The following EDN1 variants were observed in gnomAD, a reference collection of about 807,000 sequenced individuals.
The protein encoded by EDN1 is endothelin 1.
In EDN1, 11 loss-of-function variants were observed where a neutral mutation model predicts 21.7. The observed-to-expected ratio is 0.51, with a 90% CI of 0.32 to 0.84. EDN1 has a LOEUF of 0.84. EDN1 is among the 40% of genes least tolerant of loss of function. The probability of loss-of-function intolerance (pLI) is 0.03; values close to 1 mark genes in which losing one functional copy is unlikely to be tolerated. For missense variants in EDN1, 244 were observed against 262.3 expected, an observed-to-expected ratio of 0.93 and a Z score of 0.48; for synonymous variants, 85 against 90.6, an observed-to-expected ratio of 0.94 and a Z score of 0.35.
chr6:12,278,723 C>T, the EDN1 span, among the ~76,000 whole-genome samples: 74,494 of 151,816 alleles, frequency 0.49, 18,905 homozygotes, highest in East Asian at 0.66. Flanking sequence ...ATGGTGAAAC[C>T]CCGTCTGAAC....
At chr6:12,236,809 T>C in the EDN1 span, among the ~76,000 whole-genome samples, 3 of 151,900 alleles carry the variant, frequency 2.0e-5, no homozygotes, top group Non-Finnish European at 4.4e-5. Context: ...TCTTAACTTC[T>C]ATCAAGTATA....
chr6:12,288,216 G>A (rs1277773430), upstream of EDN1, among the ~76,000 whole-genome samples: 1 of 150,924 alleles, frequency 6.6e-6, no homozygotes, highest in African/African-American at 2.5e-5. Context: ...TGTTGTCAGT[G>A]TTTGGTCAAA....
At chr6:12,287,842 C>T (rs1484738974), upstream of EDN1, among the ~76,000 whole-genome samples, 1 of 152,032 alleles carries the variant, frequency 6.6e-6, no homozygotes, top group Non-Finnish European at 1.5e-5. Context: ...CGGTGGGGCC[C>T]TTCCAGGTCT....
the EDN1 span, among the ~76,000 whole-genome samples, chr6:12,232,132 TATA>T: frequency 2.8e-5 from 4 of 141,338 alleles, no homozygotes; most frequent in African/African-American, 5.0e-5. Context: ...AAAATTATAA[TATA>T]ATATAATAAA....
the EDN1 span, among the ~76,000 whole-genome samples, chr6:12,282,479 CT>C: frequency 6.6e-6 from 1 of 152,204 alleles, no homozygotes; most frequent in Non-Finnish European, 1.5e-5. Flanking sequence ...ACATTAGCAG[CT>C]TTGAGATTGT....
At chr6:12,249,381 C>CT in the EDN1 span, among the ~76,000 whole-genome samples, 3 of 151,996 alleles carry the variant, frequency 2.0e-5, no homozygotes, top group African/African-American at 7.3e-5. Context: ...TGTAAAATGA[C>CT]TTAAGCAGGA....
At chr6:12,271,995 CT>C in the EDN1 span, among the ~76,000 whole-genome samples, 2 of 151,906 alleles carry the variant, frequency 1.3e-5, no homozygotes, top group Admixed American at 6.6e-5. Flanking sequence ...AATCCAAAAA[CT>C]TTTTTTTAAG....
At chr6:12,276,087 G>A in the EDN1 span, among the ~76,000 whole-genome samples, 8 of 145,778 alleles carry the variant, frequency 5.5e-5, no homozygotes, top group East Asian at 2.1e-4. Flanking sequence ...GCGTGAGCCC[G>A]GGAGGCAGAG....
the EDN1 span, among the ~76,000 whole-genome samples, chr6:12,254,845 ATTATGC>A: frequency 6.6e-6 from 1 of 152,194 alleles, no homozygotes; most frequent in African/African-American, 2.4e-5. Context: ...GATATTACAA[ATTATGC>A]TTATGATTTA....
chr6:12,267,525 T>C, the EDN1 span, among the ~76,000 whole-genome samples: 2 of 152,204 alleles, frequency 1.3e-5, no homozygotes, highest in East Asian at 3.8e-4. Flanking sequence ...CCCTAACTAT[T>C]CGATTCTATG....
the EDN1 span, among the ~76,000 whole-genome samples, chr6:12,237,269 A>G: frequency 6.6e-6 from 1 of 152,118 alleles, no homozygotes; most frequent in South Asian, 2.1e-4. Context: ...GCTATTGTGA[A>G]TAATGTAATT....
At chr6:12,273,162 T>A in the EDN1 span, among the ~76,000 whole-genome samples, 12 of 151,992 alleles carry the variant, frequency 7.9e-5, no homozygotes, top group Admixed American at 7.9e-4. Flanking sequence ...GGAAAGGGGG[T>A]CAGAGGAGGC....
At chr6:12,261,173 A>G in the EDN1 span, among the ~76,000 whole-genome samples, 1 of 152,198 alleles carries the variant, frequency 6.6e-6, no homozygotes, top group African/African-American at 2.4e-5. Flanking sequence ...CTCTAGATTC[A>G]TTAAAATTCA....
chr6:12,235,376 C>T, the EDN1 span, among the ~76,000 whole-genome samples: 3 of 152,294 alleles, frequency 2.0e-5, no homozygotes, highest in Non-Finnish European at 4.4e-5. Flanking sequence ...ACTAACATGT[C>T]TAAGGACAAT....
the EDN1 span, among the ~76,000 whole-genome samples, chr6:12,280,050 A>AAAT: frequency 6.6e-6 from 1 of 152,222 alleles, no homozygotes; most frequent in East Asian, 1.9e-4. Flanking sequence ...TTTTAAAAAA[A>AAAT]AATACATAAA....
At chr6:12,231,359 G>A in the EDN1 span, among the ~76,000 whole-genome samples, 2 of 152,094 alleles carry the variant, frequency 1.3e-5, no homozygotes, top group East Asian at 1.9e-4. Flanking sequence ...AAAGATAAAA[G>A]CATCAACTTA....
Position 12,290,391 on chromosome 6 carries a change from C to A in EDN1, c.-239C>A, listed in dbSNP as rs1443419568. ...CGCCTCTGCATCTGCGCCAGGCGAACGGGTCCTGCGCCTCCTGCAGTCCCA... is the reference window on the plus strand; with the variant it reads ...CGCCTCTGCATCTGCGCCAGGCGAAAGGGTCCTGCGCCTCCTGCAGTCCCA... On this transcript the variant is annotated 5_prime_UTR_variant, in exon 1 of 5. Coordinates refer to ENST00000379375, the MANE Select transcript of EDN1 (RefSeq NM_001955.5). The A allele has an allele frequency of 3.6e-6, 2 of 562,478 alleles. No individual in the cohort carries two copies. Among genetic ancestry groups the A allele is most frequent in the East Asian group, 3.1e-5 (1 of 32,238 alleles). 34.8% of individuals were successfully genotyped at this position (562,478 alleles called of 1,614,324 possible).
the EDN1 span, among the ~76,000 whole-genome samples, chr6:12,235,122 G>A: frequency 6.6e-6 from 1 of 152,254 alleles, no homozygotes; most frequent in African/African-American, 2.4e-5. Flanking sequence ...GATACCATAA[G>A]TGTTCTTGGG....
chr6:12,269,595 G>A, the EDN1 span, among the ~76,000 whole-genome samples: 2 of 151,868 alleles, frequency 1.3e-5, no homozygotes, highest in Non-Finnish European at 2.9e-5. Flanking sequence ...TTTTGTCCTT[G>A]ATTCTATAAT....
Sources: allele counts gnomAD v4.1 joint callset (sites outside exome capture counted in the v4.1 genomes callset), GRCh38; gene constraint gnomAD v4.1.1; transcripts MANE v1.5; gene names NCBI Gene and HGNC (gene_info 2026-07-23, HGNC 2026-07-21).